The following RIT2 variants were observed in gnomAD, a reference collection of about 807,000 sequenced individuals.
RIT2 encodes Ras like without CAAX 2.
Under a neutral mutation model 23.7 loss-of-function variants are expected in RIT2, and 24 were observed. The ratio of observed to expected loss-of-function variants is 1.01; its 90% confidence interval spans 0.73 to 1.43. The LOEUF (loss-of-function observed/expected upper bound fraction) is 1.43. Among genes scored for constraint, RIT2 ranks in the 40% most tolerant of loss-of-function variants. The pLI is 0.00. For missense variants in RIT2, 236 were observed against 266.9 expected, an observed-to-expected ratio of 0.88 and a Z score of 0.81; for synonymous variants, 107 against 91.1, an observed-to-expected ratio of 1.17 and a Z score of -0.99.
At chr18:42,761,138 T>G (rs1355222543) in intron 4 of RIT2, among the ~76,000 whole-genome samples, 1 of 152,240 alleles carries the variant, frequency 6.6e-6, no homozygotes, top group Non-Finnish European at 1.5e-5. Flanking sequence ...GTTTCCTTGT[T>G]GTTTTCCCAT....
chr18:42,801,851 G>T (rs917716799), intron 4 of RIT2, among the ~76,000 whole-genome samples: 1 of 152,274 alleles, frequency 6.6e-6, no homozygotes, highest in East Asian at 1.9e-4. Flanking sequence ...ACACAAAAAT[G>T]TTAACTGGAT....
intron 1 of RIT2, among the ~76,000 whole-genome samples, chr18:43,082,417 T>TACA (rs544304455): frequency 1.3e-5 from 2 of 151,858 alleles, no homozygotes; most frequent in African/African-American, 2.4e-5. Flanking sequence ...CTAGCAGAGA[T>TACA]ACAACAACAA....
intron 3 of RIT2, among the ~76,000 whole-genome samples, chr18:42,969,629 G>A (rs1462900173): frequency 2.0e-5 from 3 of 150,642 alleles, no homozygotes; most frequent in Non-Finnish European, 4.4e-5. Flanking sequence ...CAGGTATGGG[G>A]CAAGACTTAG....
At chr18:42,881,626 G>A (rs1320281432) in intron 4 of RIT2, among the ~76,000 whole-genome samples, 1 of 152,074 alleles carries the variant, frequency 6.6e-6, no homozygotes, top group African/African-American at 2.4e-5. Context: ...TCCCTCCTCT[G>A]CATACTCTGT....
intron 4 of RIT2, among the ~76,000 whole-genome samples, chr18:42,754,870 T>A (rs1913125038): frequency 6.6e-6 from 1 of 152,196 alleles, no homozygotes; most frequent in African/African-American, 2.4e-5. Flanking sequence ...AATATTGCCC[T>A]CAACTGTATT....
chr18:42,749,488 G>T (rs1204278464), intron 4 of RIT2, among the ~76,000 whole-genome samples: 1 of 151,774 alleles, frequency 6.6e-6, no homozygotes, highest in Non-Finnish European at 1.5e-5. Flanking sequence ...AAGTAAAATA[G>T]AAAACAATTA....
At chr18:42,799,428 T>G (rs1263201182) in intron 4 of RIT2, among the ~76,000 whole-genome samples, 1 of 152,242 alleles carries the variant, frequency 6.6e-6, no homozygotes, top group African/African-American at 2.4e-5. Flanking sequence ...TATTCCAAAT[T>G]AACTTACTAA....
At chr18:42,768,751 T>C (rs1913482163) in intron 4 of RIT2, among the ~76,000 whole-genome samples, 1 of 152,128 alleles carries the variant, frequency 6.6e-6, no homozygotes, top group Non-Finnish European at 1.5e-5. Context: ...ATTTCTGTTT[T>C]TCATGGATAA....
chr18:42,811,121 ATTGT>A (rs899006277), intron 4 of RIT2, among the ~76,000 whole-genome samples: 3 of 151,932 alleles, frequency 2.0e-5, no homozygotes, highest in African/African-American at 4.8e-5. Context: ...CTTAGATATG[ATTGT>A]TTCTTATTCA....
intron 4 of RIT2, among the ~76,000 whole-genome samples, chr18:42,919,699 G>A (rs1440724321): frequency 2.6e-5 from 4 of 151,872 alleles, no homozygotes; most frequent in Non-Finnish European, 5.9e-5. Flanking sequence ...GGGTGACAGA[G>A]CGAGACTCCA....
rs141881239 is a variant in RIT2 at position 42,963,174 on chromosome 18, A to G, written c.234+10900T>C. ...TCCTGATTTTCAGATGAAATGCAAC[A>G]TATTTCTTTTCCAGGGCCTTTGAAG... On this transcript the variant is annotated intron_variant, in intron 3 of 4. Coordinates refer to ENST00000326695, the MANE Select transcript of RIT2 (RefSeq NM_002930.4). 1.2e-3 allele frequency among the ~76,000 whole-genome samples: 182 copies of G among 152,328 alleles called. No homozygotes were observed. In the Middle Eastern group the frequency reaches 0.017, roughly 14 times the overall value.
chr18:42,975,076 G>A (rs1310417278), intron 2 of RIT2, among the ~76,000 whole-genome samples: 2 of 152,000 alleles, frequency 1.3e-5, no homozygotes, highest in African/African-American at 4.8e-5. Context: ...TTCACTCCCA[G>A]CAGCAGTGTA....
chr18:42,767,189 G>A (rs764553685), intron 4 of RIT2, among the ~76,000 whole-genome samples: 9 of 152,236 alleles, frequency 5.9e-5, no homozygotes, highest in Admixed American at 1.3e-4. Context: ...ATCTTGCACC[G>A]TGTGCCTGGG....
At chr18:42,770,372 C>T (rs560383094) in intron 4 of RIT2, among the ~76,000 whole-genome samples, 46 of 152,246 alleles carry the variant, frequency 3.0e-4, no homozygotes, top group South Asian at 6.2e-4. Flanking sequence ...AGACTACACA[C>T]GTATATTCTT....
intron 1 of RIT2, among the ~76,000 whole-genome samples, chr18:43,039,778 A>C (rs192705982): frequency 6.6e-6 from 1 of 152,196 alleles, no homozygotes; most frequent in Admixed American, 6.5e-5. Context: ...CAAGAGGCCA[A>C]CTATATTCTC....
At chr18:43,098,301 G>A (rs1241247518) in intron 1 of RIT2, among the ~76,000 whole-genome samples, 1 of 151,862 alleles carries the variant, frequency 6.6e-6, no homozygotes. Context: ...GCAGAAACAT[G>A]TGTCTTCCTT....
chr18:43,003,361 A>T (rs1598744830), intron 2 of RIT2, among the ~76,000 whole-genome samples: 2 of 152,118 alleles, frequency 1.3e-5, no homozygotes, highest in South Asian at 4.1e-4. Context: ...TTATTTTTCT[A>T]ATCTTGTTTG....
intron 2 of RIT2, among the ~76,000 whole-genome samples, chr18:43,025,830 AG>A: frequency 6.6e-6 from 1 of 152,024 alleles, no homozygotes; most frequent in East Asian, 1.9e-4. Context: ...AGACTCCAAA[AG>A]GTGGGATGGT....
intron 4 of RIT2, among the ~76,000 whole-genome samples, chr18:42,858,478 T>C (rs566991327): frequency 1.1e-3 from 162 of 152,252 alleles, no homozygotes; most frequent in Non-Finnish European, 1.8e-3. Context: ...CAGTGCAGCG[T>C]TAATGCCACA....
Sources: allele counts gnomAD v4.1 joint callset (sites outside exome capture counted in the v4.1 genomes callset), GRCh38; gene constraint gnomAD v4.1.1; transcripts MANE v1.5; gene names NCBI Gene and HGNC (gene_info 2026-07-23, HGNC 2026-07-21).